The following TAF7L variants were observed in gnomAD, a reference collection of about 807,000 sequenced individuals.
TAF7L encodes the protein TATA-box binding protein associated factor 7 like.
A neutral mutation model predicts 30.2 loss-of-function variants in TAF7L; 6 were observed. That is an observed-to-expected ratio of 0.20 (90% CI 0.11 to 0.39). The LOEUF is 0.39. Ranked by LOEUF, TAF7L falls within the 10% of genes least tolerant of loss-of-function variation. The pLI is 1.00. For missense variants in TAF7L, 284 were observed against 277.1 expected, an observed-to-expected ratio of 1.03 and a Z score of -0.18; for synonymous variants, 93 against 94.5, an observed-to-expected ratio of 0.98 and a Z score of 0.09.
intron 12 of TAF7L, among the ~76,000 whole-genome samples, chrX:101,269,651 T>G (rs960770514): frequency 9.0e-6 from 1 of 110,548 alleles, no homozygotes; most frequent in African/African-American, 3.3e-5. Flanking sequence ...GCAGGGAAAC[T>G]CCCCTTTTTA....
intron 2 of TAF7L, 110 bp from the exon 3 acceptor site, chrX:101,286,763 A>G: frequency 5.9e-6 from 3 of 507,651 alleles, no homozygotes; most frequent in Non-Finnish European, 9.8e-6. Flanking sequence ...TACACCTCCC[A>G]AATGTTACTA....
intron 1 of TAF7L, among the ~76,000 whole-genome samples, chrX:101,288,715 T>A (rs1016344773): frequency 3.6e-5 from 4 of 110,120 alleles, no homozygotes; most frequent in South Asian, 3.9e-4. Context: ...TTATTTAAAA[T>A]ATATATATAT....
chrX:101,279,623 AAAAT>A (rs56910047), intron 6 of TAF7L, among the ~76,000 whole-genome samples: 19,643 of 109,068 alleles, frequency 0.18, 1,680 homozygotes, highest in African/African-American at 0.3. Context: ...TCCATCTCAA[AAAAT>A]AAATAAATAA....
rs759043342 is a variant in TAF7L at position 101,283,551 on chromosome X, C to A, written c.178G>T (p.Asp60Tyr). 1 of 1,211,590 alleles carries A rather than the reference C, an allele frequency of 8.3e-7. No homozygotes were observed. The highest frequency in any genetic ancestry group is 1.1e-6 in the Non-Finnish European group (1 of 895,343). The change falls in exon 4 of 13, where the codon GAT becomes TAT. Residue 60 changes from aspartate to tyrosine, a missense_variant. By Grantham distance (160) the Asp-to-Tyr change is radical. Coordinates refer to ENST00000356784, the MANE Select transcript of TAF7L (RefSeq NM_001168474.2). Reference protein sequence around the residue: ...DGRHAVVEVEDVPLAAKLVDL... With the variant: ...DGRHAVVEVEYVPLAAKLVDL... The stretch of plus-strand genomic sequence containing the variant: ...ACCAGCTTAGCAGCTAGTGGGACAT[C>A]TTCTACTTCAACAACTGCATGGCGC...
At chrX:101,269,334 T>G (rs1301498968) in intron 12 of TAF7L, 97 bp from the exon 13 acceptor site, 12 of 771,864 alleles carry the variant, frequency 1.6e-5, no homozygotes, top group Admixed American at 2.5e-5. Flanking sequence ...AAAGAACTAC[T>G]GTTATTTGGC....
intron 1 of TAF7L, among the ~76,000 whole-genome samples, chrX:101,288,186 G>A: frequency 9.3e-6 from 1 of 107,393 alleles, no homozygotes; most frequent in East Asian, 2.9e-4. Flanking sequence ...CTGTCGCCCA[G>A]GCTGGAGTGC....
chrX:101,276,109 A>G lies in TAF7L; in HGVS notation c.917T>C (p.Met306Thr). The G allele has an allele frequency of 8.4e-7, 1 of 1,189,285 alleles. No homozygotes were observed. Among genetic ancestry groups the G allele is most frequent in the South Asian group, 1.9e-5 (1 of 53,967 alleles). The change falls in exon 11 of 13, where the codon ATG becomes ACG. Residue 306 changes from methionine to threonine, a missense_variant. Coordinates refer to ENST00000356784, the MANE Select transcript of TAF7L (RefSeq NM_001168474.2). Reference sequence around the variant, plus strand: ...TTTCTCAATCTGCTTCTGAATTTCCATGACTAATAGAGAAACATAGAACTT... The same window carrying G: ...TTTCTCAATCTGCTTCTGAATTTCCGTGACTAATAGAGAAACATAGAACTT... ...RANEGTSSIV[M>T]EIQKQIEKKE...
chrX:101,278,905 C>G (rs1463790917), intron 7 of TAF7L, 89 bp downstream of exon 7: 6 of 856,825 alleles, frequency 7.0e-6, no homozygotes, highest in Admixed American at 2.4e-5. Flanking sequence ...AAAGTAGCTT[C>G]TGTGGTTTAT....
chrX:101,279,559 T>G (rs1157303076), intron 6 of TAF7L, among the ~76,000 whole-genome samples: 1 of 111,312 alleles, frequency 9.0e-6, no homozygotes, highest in Non-Finnish European at 1.9e-5. Flanking sequence ...AGGCAGAGAC[T>G]GCAGTGAGCA....
upstream of TAF7L, chrX:101,292,796 C>T (rs1924872535): frequency 4.1e-6 from 5 of 1,207,236 alleles, no homozygotes; most frequent in Middle Eastern, 2.6e-4. Context: ...CTACCTTTCC[C>T]TTCCTGGAAG....
chrX:101,268,878 TC>T lies in TAF7L; in HGVS notation c.*314del, dbSNP rs1456826032. 5.3e-6 allele frequency: 1 copy of T among 188,415 alleles called. No homozygotes were observed. The highest frequency in any genetic ancestry group is 3.0e-5 in the African/African-American group (1 of 33,370). The allele number at this position is 188,415 out of a possible 1,213,427, so 15.5% of individuals were successfully genotyped here. A position where few individuals can be genotyped will look rare whatever the true frequency, so the allele number is the denominator to read the frequency against. On this transcript the variant is annotated 3_prime_UTR_variant, in exon 13 of 13. Transcript: ENST00000356784. ...TACTCAGGAGGCTGAGGCGGAAGGA[TC>T]CCTTAAGCCCAGGAGTCTGAATTCA... is the stretch of plus-strand genomic sequence containing the variant.
rs748614286 is a variant in TAF7L at position 101,291,246 on chromosome X, C to T, written c.-25G>A. On this transcript the variant is annotated 5_prime_UTR_variant, in exon 1 of 13. Transcript: ENST00000356784. ...CACCCGCTCCTCCGGGAACTGGCGC[C>T]GACACCGAAAAGGCTGGGACCTGCG... 3.4e-4 allele frequency: 255 copies of T among 752,507 alleles called. 2 individuals carry two copies. The highest frequency in any genetic ancestry group is 3.8e-4 in the Non-Finnish European group (243 of 638,576). The allele number at this position is 752,507 out of a possible 1,213,427, so 62.0% of individuals were successfully genotyped here. A position where few individuals can be genotyped will look rare whatever the true frequency, so the allele number is the denominator to read the frequency against.
intron 12 of TAF7L, among the ~76,000 whole-genome samples, chrX:101,269,510 T>C (rs1052278446): frequency 1.8e-5 from 2 of 111,479 alleles, no homozygotes; most frequent in African/African-American, 6.5e-5. Context: ...TATACCTGAG[T>C]TTGGGAAGAA....
upstream of TAF7L, among the ~76,000 whole-genome samples, chrX:101,292,238 C>CAT (rs1924839697): frequency 2.2e-5 from 1 of 45,301 alleles, no homozygotes; most frequent in Non-Finnish European, 3.6e-5. Context: ...GACTCCGTCT[C>CAT]AAAAAAAAAA....
chrX:101,277,151 CAAAAAAAAAAAAAAA>C (rs35984328), intron 9 of TAF7L, among the ~76,000 whole-genome samples: 1 of 16,032 alleles, frequency 6.2e-5, no homozygotes, highest in African/African-American at 2.8e-4. Flanking sequence ...GACTCTGTCT[CAAAAAAAAAAAAAAA>C]AAAAAAAAAA....
upstream of TAF7L, among the ~76,000 whole-genome samples, chrX:101,292,310 G>A (rs1924852059): frequency 9.6e-6 from 1 of 103,829 alleles, no homozygotes; most frequent in East Asian, 3.0e-4. Flanking sequence ...ATGATGGCAG[G>A]CGCCTGTAAT....
chrX:101,284,433 C>G (rs1924513726), intron 3 of TAF7L, among the ~76,000 whole-genome samples: 1 of 112,295 alleles, frequency 8.9e-6, no homozygotes, highest in South Asian at 3.7e-4. Context: ...GGCATAATCT[C>G]TGCTCACTGC....
upstream of TAF7L, among the ~76,000 whole-genome samples, chrX:101,292,237 T>A (rs1602966551): frequency 3.0e-5 from 1 of 33,006 alleles, no homozygotes; most frequent in African/African-American, 3.4e-4. Flanking sequence ...AGACTCCGTC[T>A]CAAAAAAAAA....
chrX:101,285,235 C>T (rs62600777), intron 3 of TAF7L, among the ~76,000 whole-genome samples: 13 of 110,885 alleles, frequency 1.2e-4, no homozygotes, highest in African/African-American at 4.3e-4. Context: ...GTAGCTCACG[C>T]CTGTAATCCC....
Sources: gnomAD v4.1 joint callset for allele counts (sites outside exome capture counted in the v4.1 genomes callset) on GRCh38, gnomAD v4.1.1 for gene constraint, MANE v1.5 for transcripts, NCBI Gene and HGNC (gene_info 2026-07-23, HGNC 2026-07-21) for gene names.